TENT4B: variants seen among roughly 807,000 people sequenced by gnomAD.
TENT4B encodes terminal nucleotidyltransferase 4B.
A neutral mutation model predicts 75.0 loss-of-function variants in TENT4B; 10 were observed. That is an observed-to-expected ratio of 0.13 (90% CI 0.08 to 0.23). The LOEUF (loss-of-function observed/expected upper bound fraction) is 0.23. Among genes scored for constraint, TENT4B ranks in the 10% least tolerant of loss-of-function variants. The probability of loss-of-function intolerance (pLI) is 1.00; values close to 1 mark genes in which losing one functional copy is unlikely to be tolerated. For missense variants in TENT4B, 579 were observed against 893.8 expected (o/e 0.65, Z 4.49); for synonymous variants, 350 against 357.7 (o/e 0.98, Z 0.24).
At position 50,190,075 on chromosome 16, in the gene TENT4B, CAAAAAAA is replaced by C. The variant is rs754925816; in HGVS notation, c.639-21236_639-21230del. Reference sequence around the variant, plus strand: ...TAGGCAACAGAGTGAGACTCTGTTTCAAAAAAAAAAAAAAAAAACAAAGAAAAGAAAA... The same window carrying C: ...TAGGCAACAGAGTGAGACTCTGTTTCAAAAAAAAAAACAAAGAAAAGAAAA... On this transcript the variant is annotated intron_variant, in intron 1 of 11. Coordinates refer to ENST00000561678, the MANE Select transcript of TENT4B (RefSeq NM_001365324.3). 6.9e-3 allele frequency among the ~76,000 whole-genome samples: 289 copies of C among 41,972 alleles called. 7 individuals are homozygous for C. Among genetic ancestry groups the C allele is most frequent in the African/African-American group, 0.015 (244 of 16,702 alleles). 27.5% of individuals were successfully genotyped at this position (41,972 alleles called of 152,430 possible).
intron 6 of TENT4B, among the ~76,000 whole-genome samples, chr16:50,222,920 A>C (rs976028578): frequency 6.6e-6 from 1 of 152,168 alleles, no homozygotes; most frequent in African/African-American, 2.4e-5. Context: ...TGTTGGGCCA[A>C]GCCAGCCCTG....
In TENT4B at chr16:50,221,637, C is replaced by CT. The variant is rs560469260; in HGVS notation, c.1039-666dup. ...TCTTAAAAATCTCACTGATTTAGTG[C>CT]TTTAAGATGTTGGTTACTTTGTCCT... On this transcript the variant is annotated intron_variant, in intron 5 of 11. Coordinates refer to ENST00000561678, the MANE Select transcript of TENT4B (RefSeq NM_001365324.3). Among the ~76,000 whole-genome samples, 7 of 152,316 alleles carry CT rather than the reference C, an allele frequency of 4.6e-5. No homozygotes were observed. In the East Asian group the frequency reaches 1.2e-3, roughly 25 times the overall value.
At chr16:50,157,266 C>T (rs1340836016) in intron 1 of TENT4B, among the ~76,000 whole-genome samples, 2 of 152,154 alleles carry the variant, frequency 1.3e-5, no homozygotes, top group Non-Finnish European at 1.5e-5. Flanking sequence ...TTCTCTGCTT[C>T]CACCAAATTG....
At chr16:50,176,930 G>A (rs948754424) in intron 1 of TENT4B, among the ~76,000 whole-genome samples, 2 of 151,964 alleles carry the variant, frequency 1.3e-5, no homozygotes, top group African/African-American at 4.8e-5. Context: ...CTGGTTTAGG[G>A]TAATGCTGGC....
At chr16:50,220,109 C>T (rs2031758150) in intron 5 of TENT4B, among the ~76,000 whole-genome samples, 1 of 151,910 alleles carries the variant, frequency 6.6e-6, no homozygotes, top group African/African-American at 2.4e-5. Flanking sequence ...CTGCCTTAGC[C>T]TCCTGAGTAG....
At chr16:50,197,431 G>A (rs1055515943) in intron 1 of TENT4B, among the ~76,000 whole-genome samples, 3 of 152,180 alleles carry the variant, frequency 2.0e-5, no homozygotes, top group African/African-American at 7.2e-5. Context: ...TGGGACTACA[G>A]GTGTGCACCA....
intron 1 of TENT4B, among the ~76,000 whole-genome samples, chr16:50,193,331 GTTTTTTTTT>G (rs774084083): frequency 9.9e-6 from 1 of 101,482 alleles, no homozygotes; most frequent in South Asian, 3.6e-4. Flanking sequence ...AGTTCCTGGA[GTTTTTTTTT>G]TTTTTTTTTT....
chr16:50,162,015 A>G (rs2038012292), intron 1 of TENT4B, among the ~76,000 whole-genome samples: 1 of 152,240 alleles, frequency 6.6e-6, no homozygotes, highest in Non-Finnish European at 1.5e-5. Context: ...CATCTCTGTA[A>G]TTTTGCCATT....
chr16:50,177,432 GTCTTT>G (rs2038332007), intron 1 of TENT4B, among the ~76,000 whole-genome samples: 1 of 152,150 alleles, frequency 6.6e-6, no homozygotes, highest in South Asian at 2.1e-4. Context: ...CATTGAGATT[GTCTTT>G]TCTTCTTGGG....
intron 1 of TENT4B, among the ~76,000 whole-genome samples, chr16:50,204,587 T>G (rs1331630688): frequency 6.6e-6 from 1 of 152,020 alleles, no homozygotes; most frequent in Non-Finnish European, 1.5e-5. Flanking sequence ...CCATCTGCAG[T>G]CTCCTGAAGA....
rs762885447 is a variant in TENT4B at position 50,214,280 on chromosome 16, A to G, written c.809+13A>G. 1.3e-6 allele frequency: 2 copies of G among 1,569,790 alleles called. No individual in the cohort carries two copies. Among genetic ancestry groups the G allele is most frequent in the East Asian group, 2.2e-5 (1 of 44,570 alleles). ...ATTTACCTACTAGGTTAGTACACTCATGAATCTTTCAAAGGACTTTTCTTA... is the reference window on the plus strand; with the variant it reads ...ATTTACCTACTAGGTTAGTACACTCGTGAATCTTTCAAAGGACTTTTCTTA... On this transcript the variant is annotated intron_variant, in intron 3 of 11. Transcript: ENST00000561678.
At chr16:50,221,602 G>A (rs1316986389) in intron 5 of TENT4B, among the ~76,000 whole-genome samples, 1 of 152,186 alleles carries the variant, frequency 6.6e-6, no homozygotes, top group Non-Finnish European at 1.5e-5. Flanking sequence ...ACATCACCAA[G>A]AAAAGTGATT....
chr16:50,215,589 T>C lies in TENT4B; in HGVS notation c.810-486T>C, dbSNP rs78685349. Among the ~76,000 whole-genome samples the C allele has an allele frequency of 3.5e-3, 537 of 152,310 alleles. 1 individual carries two copies. Among genetic ancestry groups the C allele is most frequent in the Non-Finnish European group, 6.0e-3 (411 of 68,028 alleles). The stretch of plus-strand genomic sequence containing the variant: ...CTGGTTCTCCTTGGAACAGCCGCTT[T>C]TACCAGTTTCTCACATATCCTTTCA... On this transcript the variant is annotated intron_variant, in intron 3 of 11. Transcript: ENST00000561678.
chr16:50,153,993 G>A lies in TENT4B; in HGVS notation c.372G>A (p.Arg124=), dbSNP rs1437304874. The change falls in exon 1 of 12, where the codon CGG becomes CGA. Residue 124 remains arginine (R), a synonymous_variant. Coordinates refer to ENST00000561678, the MANE Select transcript of TENT4B (RefSeq NM_001365324.3). ...NHHQPGAWAR[R]AGSSASSPPS... ...ACCAGCCCGGGGCCTGGGCCCGCCG[G>A]GCGGGCTCCTCGGCGTCCTCGCCTC... 15 of 1,534,098 alleles carry A rather than the reference G, an allele frequency of 9.8e-6. No homozygotes were observed. The highest frequency in any genetic ancestry group is 1.3e-5 in the Non-Finnish European group (15 of 1,146,080).
At chr16:50,161,988 A>C (rs1438106077) in intron 1 of TENT4B, among the ~76,000 whole-genome samples, 1 of 152,184 alleles carries the variant, frequency 6.6e-6, no homozygotes, top group Non-Finnish European at 1.5e-5. Context: ...CCCTTCCAGC[A>C]ACCACTAATC....
At chr16:50,158,299 C>A (rs2037940131) in intron 1 of TENT4B, among the ~76,000 whole-genome samples, 1 of 151,734 alleles carries the variant, frequency 6.6e-6, no homozygotes, top group African/African-American at 2.4e-5. Context: ...GTTGGCCAGA[C>A]TGGTTTCGAA....
At chr16:50,209,257 G>A (rs915275719) in intron 1 of TENT4B, among the ~76,000 whole-genome samples, 5 of 152,182 alleles carry the variant, frequency 3.3e-5, no homozygotes, top group African/African-American at 1.2e-4. Flanking sequence ...TACGCAATGA[G>A]ATAAGAAGCA....
chr16:50,184,503 C>T (rs549451012), intron 1 of TENT4B, among the ~76,000 whole-genome samples: 2 of 152,068 alleles, frequency 1.3e-5, no homozygotes, highest in African/African-American at 4.8e-5. Context: ...CCCGTCTCTA[C>T]TAAAAAACAA....
Position 50,169,176 on chromosome 16 carries a change from A to C in TENT4B, c.638+14917A>C, listed in dbSNP as rs970687486. On this transcript the variant is annotated intron_variant, in intron 1 of 11. Coordinates refer to ENST00000561678, the MANE Select transcript of TENT4B (RefSeq NM_001365324.3). ...ATTATTTCAAAGCATTGTTTGAGGT[A>C]CATTTTAAATCTTAATTTATAGATT... Among the ~76,000 whole-genome samples the C allele has an allele frequency of 2.6e-5, 4 of 152,202 alleles. 1 individual carries two copies. The highest frequency in any genetic ancestry group is 9.6e-5 in the African/African-American group (4 of 41,452).
Sources: allele counts gnomAD v4.1 joint callset (sites outside exome capture counted in the v4.1 genomes callset), GRCh38; gene constraint gnomAD v4.1.1; transcripts MANE v1.5; gene names NCBI Gene and HGNC (gene_info 2026-07-23, HGNC 2026-07-21).